The following AGAP1 variants were observed in gnomAD, a reference collection of about 807,000 sequenced individuals.
The protein encoded by AGAP1 is arf-GAP with GTPase, ANK repeat and PH domain-containing protein 1.
A neutral mutation model predicts 105.3 loss-of-function variants in AGAP1; 29 were observed. That is an observed-to-expected ratio of 0.28 (90% CI 0.21 to 0.38). The LOEUF (loss-of-function observed/expected upper bound fraction) is 0.38, where lower values mean the gene tolerates loss of function less well. Among genes scored for constraint, AGAP1 ranks in the 10% least tolerant of loss-of-function variants. AGAP1 has a pLI of 1.00. For synonymous variants in AGAP1, 509 were observed against 485.9 expected (o/e 1.05, Z -0.63); for missense variants, 998 against 1,165.1 (o/e 0.86, Z 2.09).
intron 12 of AGAP1, among the ~76,000 whole-genome samples, chr2:235,949,492 G>A (rs573159636): frequency 3.9e-5 from 6 of 152,230 alleles, no homozygotes; most frequent in Admixed American, 1.3e-4. Flanking sequence ...CTTCTGCACC[G>A]TGTCTCCGGA....
intron 16 of AGAP1, among the ~76,000 whole-genome samples, chr2:236,097,576 A>G (rs1204985313): frequency 6.6e-6 from 1 of 151,716 alleles, no homozygotes. Flanking sequence ...GTATTTTAGT[A>G]GAGATGGGGT....
intron 8 of AGAP1, among the ~76,000 whole-genome samples, chr2:235,802,688 GTGGTGATGATGGTTGTGA>G (rs1559505230): frequency 2.3e-5 from 3 of 127,728 alleles, no homozygotes; most frequent in African/African-American, 8.8e-5. Context: ...GATGGTTGTG[GTGGTGATGATGGTTGTGA>G]TAATGATGGT....
Position 236,054,835 on chromosome 2 carries a change from G to A in AGAP1, c.2114+5554G>A, listed in dbSNP as rs888393744. On this transcript the variant is annotated intron_variant, in intron 16 of 17. Coordinates refer to ENST00000304032, the MANE Select transcript of AGAP1 (RefSeq NM_001037131.3). Reference sequence around the variant, plus strand: ...ATTTGCCACGATCACCGAGCATGGCGGATTGATGCCCTGCCCCTGCCGCCA... The same window carrying A: ...ATTTGCCACGATCACCGAGCATGGCAGATTGATGCCCTGCCCCTGCCGCCA... Among the ~76,000 whole-genome samples the A allele has an allele frequency of 1.1e-4, 17 of 152,136 alleles. 1 individual carries two copies. Among genetic ancestry groups the A allele is most frequent in the African/African-American group, 3.6e-4 (15 of 41,426 alleles).
rs1371888539 is a variant in AGAP1 at position 236,005,159 on chromosome 2, G to GT, written c.1646-31397dup. Among the ~76,000 whole-genome samples, 1 of 151,972 alleles carries GT rather than the reference G, an allele frequency of 6.6e-6. No homozygotes were observed. The highest frequency in any genetic ancestry group is 1.5e-5 in the Non-Finnish European group (1 of 67,990). On this transcript the variant is annotated intron_variant, in intron 13 of 17. Transcript: ENST00000304032. The surrounding 1 kb of genome is among the most constrained non-coding windows in gnomAD (Gnocchi z 4.1). ...TGTGTGTTTTGGTTTTTGTTTGTTT[G>GT]TTTTTGTGACAGGGTCTCACTCTGT...
chr2:236,097,738 T>C (rs1399430204), intron 16 of AGAP1, among the ~76,000 whole-genome samples: 1 of 152,158 alleles, frequency 6.6e-6, no homozygotes, highest in Non-Finnish European at 1.5e-5. Context: ...TACATTGACA[T>C]TGCTGCGCAA....
In AGAP1 at chr2:236,113,538, G is replaced by GT. The variant is rs1360381353; in HGVS notation, c.2115-6652dup. On this transcript the variant is annotated intron_variant, in intron 16 of 17. Transcript: ENST00000304032. This position sits in a 1 kb window ranked among gnomAD's most constrained non-coding sequence, Gnocchi z 4.3. ...CCTTAAGCCCACACTAAGTGCTCCG[G>GT]TTACATGGAGATTACACCTTGCCAG... 2.6e-5 allele frequency among the ~76,000 whole-genome samples: 4 copies of GT among 152,196 alleles called. No individual in the cohort carries two copies. Among genetic ancestry groups the GT allele is most frequent in the Non-Finnish European group, 5.9e-5 (4 of 68,042 alleles).
chr2:235,643,033 T>C (rs1947249723), intron 1 of AGAP1, among the ~76,000 whole-genome samples: 1 of 151,946 alleles, frequency 6.6e-6, no homozygotes, highest in South Asian at 2.1e-4. Context: ...AAATACACAG[T>C]TGGGACAGAC....
intron 16 of AGAP1, among the ~76,000 whole-genome samples, chr2:236,116,978 C>A (rs1168650245): frequency 6.6e-6 from 1 of 152,166 alleles, no homozygotes; most frequent in African/African-American, 2.4e-5. Context: ...TGTATATACA[C>A]CACAGTTTCT....
In AGAP1 at chr2:236,090,598, G is replaced by A. The variant is rs372595251; in HGVS notation, c.2115-29594G>A. Among the ~76,000 whole-genome samples the A allele has an allele frequency of 1.3e-5, 2 of 152,134 alleles. No homozygotes were observed. Among genetic ancestry groups the A allele is most frequent in the Non-Finnish European group, 2.9e-5 (2 of 68,024 alleles). On this transcript the variant is annotated intron_variant, in intron 16 of 17. Transcript: ENST00000304032. The surrounding 1 kb of genome is among the most constrained non-coding windows in gnomAD (Gnocchi z 4.3). ...TCCTGCAGCGTGTTTCCAGTTGTTC[G>A]GATTTTTGTGTTATTTTCATCACTT...
At chr2:235,693,791 T>C (rs921246697) in intron 1 of AGAP1, among the ~76,000 whole-genome samples, 3 of 152,226 alleles carry the variant, frequency 2.0e-5, no homozygotes, top group African/African-American at 4.8e-5. Context: ...AATTAGCTTT[T>C]ATTCCCACTG....
At chr2:235,869,216 C>G (rs143262903) in intron 9 of AGAP1, among the ~76,000 whole-genome samples, 2 of 151,910 alleles carry the variant, frequency 1.3e-5, no homozygotes, top group Admixed American at 1.3e-4. Flanking sequence ...TCGAATCTTG[C>G]GCCTGTTTCT....
At position 235,560,448 on chromosome 2, in the gene AGAP1, C is replaced by T. The variant is rs573833539; in HGVS notation, c.163+65599C>T. Among the ~76,000 whole-genome samples, 9 of 152,008 alleles carry T rather than the reference C, an allele frequency of 5.9e-5. No individual in the cohort carries two copies. In the South Asian group the frequency reaches 1.9e-3, roughly 32 times the overall value. ...CCTGTCCCCTAATCCCCAGAACTTG[C>T]GATGATGTTACCTCACATGGCAAAA... On this transcript the variant is annotated intron_variant, in intron 1 of 17. Coordinates refer to ENST00000304032, the MANE Select transcript of AGAP1 (RefSeq NM_001037131.3).
In AGAP1 at chr2:235,566,640, C is replaced by G. The variant is rs1944355144; in HGVS notation, c.163+71791C>G. 1 of 978,078 alleles carries G rather than the reference C, an allele frequency of 1.0e-6. No individual in the cohort carries two copies. The highest frequency in any genetic ancestry group is 1.2e-6 in the Non-Finnish European group (1 of 823,466). The allele number at this position is 978,078 out of a possible 1,614,324, so 60.6% of individuals were successfully genotyped here. A position where few individuals can be genotyped will look rare whatever the true frequency, so the allele number is the denominator to read the frequency against. On this transcript the variant is annotated intron_variant, in intron 1 of 17. Transcript: ENST00000304032. The surrounding 1 kb of genome is among the most constrained non-coding windows in gnomAD (Gnocchi z 5.2). Reference sequence around the variant, plus strand: ...TCTTATTTATGTTGTATGCCTGACACCTTCCTCATGCCGCAGGACCAGCCG... The same window carrying G: ...TCTTATTTATGTTGTATGCCTGACAGCTTCCTCATGCCGCAGGACCAGCCG...
chr2:235,589,186 ATTGTTTTG>A (rs1945233270), intron 1 of AGAP1, among the ~76,000 whole-genome samples: 1 of 35,086 alleles, frequency 2.9e-5, no homozygotes, highest in Admixed American at 3.2e-4. Context: ...TTAATAGCTT[ATTGTTTTG>A]TTTTTTTTTT....
rs139260357 is a variant in AGAP1, at chr2:235,515,081, CA to C, written c.163+20233del. Among the ~76,000 whole-genome samples, 339 of 152,298 alleles carry C rather than the reference CA, an allele frequency of 2.2e-3. 1 individual carries two copies. Among genetic ancestry groups the C allele is most frequent in the African/African-American group, 7.8e-3 (324 of 41,574 alleles). On this transcript the variant is annotated intron_variant, in intron 1 of 17. Transcript: ENST00000304032. ...AAATTTAGGTAATGTTTGCCTTAAG[CA>C]GATGGTCTTTGCCTTTTAGAACTGT...
Position 235,712,970 on chromosome 2 carries a change from G to A in AGAP1, c.222+3733G>A, listed in dbSNP as rs778917410. Among the ~76,000 whole-genome samples, 4 of 152,122 alleles carry A rather than the reference G, an allele frequency of 2.6e-5. No homozygotes were observed. The highest frequency in any genetic ancestry group is 1.5e-5 in the Non-Finnish European group (1 of 68,030). Reference sequence around the variant, plus strand: ...CGTTTCAAATTAAAATGATGCCATCGTGTGTGACTGAGGTGGTCTGTGAGA... The same window carrying A: ...CGTTTCAAATTAAAATGATGCCATCATGTGTGACTGAGGTGGTCTGTGAGA... On this transcript the variant is annotated intron_variant, in intron 2 of 17. Coordinates refer to ENST00000304032, the MANE Select transcript of AGAP1 (RefSeq NM_001037131.3). This position sits in a 1 kb window ranked among gnomAD's most constrained non-coding sequence, Gnocchi z 6.0.
chr2:235,631,225 C>G lies in AGAP1; in HGVS notation c.164-77954C>G, dbSNP rs771496382. On this transcript the variant is annotated intron_variant, in intron 1 of 17. Coordinates refer to ENST00000304032, the MANE Select transcript of AGAP1 (RefSeq NM_001037131.3). The surrounding 1 kb of genome is among the most constrained non-coding windows in gnomAD (Gnocchi z 5.4). ...CCTTCCAGTGGGTAAATGGCAAACT[C>G]GATAACTGGAATGCTGTCAGATCCC... Among the ~76,000 whole-genome samples, 10 of 152,082 alleles carry G rather than the reference C, an allele frequency of 6.6e-5. No individual in the cohort carries two copies. Among genetic ancestry groups the G allele is most frequent in the Non-Finnish European group, 1.3e-4 (9 of 68,026 alleles).
chr2:235,844,045 T>C (rs1961177977), intron 9 of AGAP1, among the ~76,000 whole-genome samples: 1 of 152,082 alleles, frequency 6.6e-6, no homozygotes, highest in African/African-American at 2.4e-5. Context: ...CCACCCAGGC[T>C]CAGTCTTGGC....
intron 1 of AGAP1, among the ~76,000 whole-genome samples, chr2:235,698,094 A>T (rs1270500651): frequency 6.6e-6 from 1 of 152,178 alleles, no homozygotes; most frequent in Non-Finnish European, 1.5e-5. Context: ...GTTCCAGCTC[A>T]GATCATCAGG....
Sources: gnomAD v4.1 joint callset for allele counts (sites outside exome capture counted in the v4.1 genomes callset) on GRCh38, gnomAD v4.1.1 for gene constraint, Gnocchi (gnomAD v3.1) non-coding constraint, MANE v1.5 for transcripts, NCBI Gene and HGNC (gene_info 2026-07-23, HGNC 2026-07-21) for gene names.